KPNA7: variants seen among roughly 807,000 people sequenced by gnomAD.
KPNA7 encodes the protein importin subunit alpha-8.
Under a neutral mutation model 53.7 loss-of-function variants are expected in KPNA7, and 54 were observed. The observed-to-expected ratio is 1.01, with a 90% CI of 0.81 to 1.26. The LOEUF is 1.26. KPNA7 is among the 50% of genes most tolerant of loss of function. The probability of loss-of-function intolerance (pLI) is 0.00; values close to 1 mark genes in which losing one functional copy is unlikely to be tolerated. For synonymous variants in KPNA7, 276 were observed against 259.3 expected (o/e 1.06, Z -0.62); for missense variants, 640 against 644.5 (o/e 0.99, Z 0.07).
chr7:99,164,367 T>C, the KPNA7 span, among the ~76,000 whole-genome samples: 14 of 151,948 alleles, frequency 9.2e-5, no homozygotes, highest in African/African-American at 3.4e-4. Flanking sequence ...AAACCATCAT[T>C]CTCAGCAAAC....
chr7:99,181,289 T>TG lies in KPNA7; in HGVS notation c.1317+593dup, dbSNP rs1799261704. On this transcript the variant is annotated intron_variant, in intron 9 of 10. Transcript: ENST00000327442. ...GCCACTCCCCACCCTGAACTATTAG[T>TG]GACTGCCCCTTTATCCGATTTACTT... Among the ~76,000 whole-genome samples, 2 of 152,138 alleles carry TG rather than the reference T, an allele frequency of 1.3e-5. 1 individual carries two copies. Among genetic ancestry groups the TG allele is most frequent in the South Asian group, 4.1e-4 (2 of 4,830 alleles).
At chr7:99,172,296 G>C (rs1798784193), downstream of KPNA7, among the ~76,000 whole-genome samples, 1 of 152,136 alleles carries the variant, frequency 6.6e-6, no homozygotes, top group African/African-American at 2.4e-5. Flanking sequence ...TGGCCTCTGG[G>C]GATGGGGTGG....
At chr7:99,204,042 C>T (rs1563087772) in intron 2 of KPNA7, among the ~76,000 whole-genome samples, 1 of 151,872 alleles carries the variant, frequency 6.6e-6, no homozygotes, top group African/African-American at 2.4e-5. Flanking sequence ...TGTCTATAAG[C>T]CATTAAAGCC....
chr7:99,193,922 C>T (rs894946994), intron 5 of KPNA7, among the ~76,000 whole-genome samples: 2 of 152,164 alleles, frequency 1.3e-5, no homozygotes, highest in African/African-American at 4.8e-5. Flanking sequence ...AAGCCATCCT[C>T]CCACCTCTGC....
intron 10 of KPNA7, among the ~76,000 whole-genome samples, chr7:99,176,781 A>C (rs1798923445): frequency 6.6e-6 from 1 of 152,110 alleles, no homozygotes; most frequent in African/African-American, 2.4e-5. Flanking sequence ...TGGGAGCCTG[A>C]GGTGGGAGGA....
the KPNA7 span, among the ~76,000 whole-genome samples, chr7:99,159,161 G>A: frequency 1.9e-4 from 29 of 151,926 alleles, 1 homozygote; most frequent in Admixed American, 1.8e-3. Context: ...CACCATGCCC[G>A]ACAACATCCT....
At chr7:99,196,221 T>A in intron 3 of KPNA7, 55 bp from the exon 4 acceptor site, 1 of 1,222,300 alleles carries the variant, frequency 8.2e-7, no homozygotes, top group South Asian at 1.3e-5. Context: ...GCTGTAAACA[T>A]CACCTACTCT....
At chr7:99,198,155 T>C (rs1343136067) in intron 3 of KPNA7, among the ~76,000 whole-genome samples, 2 of 151,980 alleles carry the variant, frequency 1.3e-5, no homozygotes, top group Admixed American at 6.6e-5. Context: ...GCCAAAAAGC[T>C]GAGGTGCAGT....
chr7:99,177,574 A>C (rs1798954838), intron 10 of KPNA7, among the ~76,000 whole-genome samples: 1 of 63,358 alleles, frequency 1.6e-5, no homozygotes, highest in Non-Finnish European at 2.6e-5. Flanking sequence ...AACCATCTCA[A>C]AAAAAAAAAA....
At chr7:99,157,951 G>T in the KPNA7 span, among the ~76,000 whole-genome samples, 75 of 150,216 alleles carry the variant, frequency 5.0e-4, no homozygotes, top group South Asian at 0.011. Flanking sequence ...ATTTTTTTTT[G>T]ATTTTTTGTA....
chr7:99,183,899 A>G (rs1249413817), intron 8 of KPNA7, among the ~76,000 whole-genome samples: 1 of 151,986 alleles, frequency 6.6e-6, no homozygotes, highest in African/African-American at 2.4e-5. Context: ...AGGCTGGAGT[A>G]TAGTGGCATG....
intron 2 of KPNA7, among the ~76,000 whole-genome samples, chr7:99,205,736 A>G (rs1375443742): frequency 6.6e-6 from 1 of 151,234 alleles, no homozygotes; most frequent in African/African-American, 2.4e-5. Flanking sequence ...CTGTAATCCC[A>G]GCTACTTGGG....
chr7:99,200,793 T>C (rs186127336), intron 3 of KPNA7, among the ~76,000 whole-genome samples: 63 of 152,240 alleles, frequency 4.1e-4, no homozygotes, highest in Middle Eastern at 3.4e-3. Context: ...CTGAACAACA[T>C]GGTGAAACCC....
At chr7:99,171,721 A>C (rs1449105415), downstream of KPNA7, among the ~76,000 whole-genome samples, 1 of 152,132 alleles carries the variant, frequency 6.6e-6, no homozygotes, top group Non-Finnish European at 1.5e-5. Flanking sequence ...GTTCCACTGC[A>C]CTCCAGCCTG....
chr7:99,197,053 A>AAC (rs1563082721), intron 3 of KPNA7, among the ~76,000 whole-genome samples: 19 of 149,014 alleles, frequency 1.3e-4, no homozygotes, highest in African/African-American at 4.8e-4. Flanking sequence ...ACAACAACAA[A>AAC]ACTAAGACCC....
At chr7:99,196,330 C>G (rs1396946326) in intron 3 of KPNA7, among the ~76,000 whole-genome samples, 164 bp from the exon 4 acceptor site, 8 of 152,200 alleles carry the variant, frequency 5.3e-5, no homozygotes, top group Admixed American at 3.9e-4. Flanking sequence ...GTCCACAGAT[C>G]TCACAGATCT....
chr7:99,165,865 C>T, the KPNA7 span, among the ~76,000 whole-genome samples: 1 of 152,036 alleles, frequency 6.6e-6, no homozygotes, highest in African/African-American at 2.4e-5. Flanking sequence ...TGTCTCTGAC[C>T]AAATCTCATG....
rs971567144 is a variant in KPNA7, at chr7:99,196,081, T to G, written c.284+3A>C. ...GCAACAGCAGAAGTCTGTTTGGAGA[T>G]ACCTGGCTGTCTGGGTGGCCTGGAA... On this transcript the variant is annotated splice_donor_region_variant and intron_variant, in intron 4 of 10. Coordinates refer to ENST00000327442, the MANE Select transcript of KPNA7 (RefSeq NM_001145715.3). 4.4e-5 allele frequency: 69 copies of G among 1,550,786 alleles called. No individual in the cohort carries two copies. Among genetic ancestry groups the G allele is most frequent in the Non-Finnish European group, 5.6e-5 (64 of 1,146,232 alleles).
chr7:99,191,121 C>T (rs1434028890), intron 6 of KPNA7, among the ~76,000 whole-genome samples: 1 of 151,724 alleles, frequency 6.6e-6, no homozygotes. Context: ...ATGGCTATGT[C>T]CCAGACCCAC....
Sources: gnomAD v4.1 joint callset for allele counts (sites outside exome capture counted in the v4.1 genomes callset) on GRCh38, gnomAD v4.1.1 for gene constraint, MANE v1.5 for transcripts, NCBI Gene and HGNC (gene_info 2026-07-23, HGNC 2026-07-21) for gene names.